ATP2B2: variants seen among roughly 807,000 people sequenced by gnomAD.
ATP2B2 encodes plasma membrane calcium-transporting ATPase 2.
In ATP2B2, 15 loss-of-function variants were observed where a neutral mutation model predicts 120.0. The ratio of observed to expected loss-of-function variants is 0.12; its 90% CI spans 0.08 to 0.19. ATP2B2 has a LOEUF of 0.19. Among genes scored for constraint, ATP2B2 ranks in the 10% least tolerant of loss-of-function variants. The probability of loss-of-function intolerance (pLI) is 1.00; values close to 1 mark genes in which losing one functional copy is unlikely to be tolerated. For synonymous variants in ATP2B2, 694 were observed against 700.3 expected (o/e 0.99, Z 0.14); for missense variants, 1,045 against 1,719.8 (o/e 0.61, Z 6.94).
chr3:10,429,511 C>T (rs1333807709), intron 2 of ATP2B2, among the ~76,000 whole-genome samples: 1 of 152,202 alleles, frequency 6.6e-6, no homozygotes, highest in Non-Finnish European at 1.5e-5. Context: ...TGGGGCACCA[C>T]AAACCATGCC....
intron 1 of ATP2B2, among the ~76,000 whole-genome samples, chr3:10,653,839 C>T (rs2070534407): frequency 6.6e-6 from 1 of 152,164 alleles, no homozygotes; most frequent in Non-Finnish European, 1.5e-5. Context: ...CCCTACAGCA[C>T]TTTTTCTCGT....
chr3:10,366,745 G>A (rs2061071175), intron 12 of ATP2B2, among the ~76,000 whole-genome samples: 1 of 152,194 alleles, frequency 6.6e-6, no homozygotes, highest in Admixed American at 6.5e-5. Flanking sequence ...CCATCTGAAA[G>A]CTCAGCTGTG....
chr3:10,654,158 AG>A (rs1448970714), intron 1 of ATP2B2, among the ~76,000 whole-genome samples: 1 of 152,166 alleles, frequency 6.6e-6, no homozygotes, highest in Non-Finnish European at 1.5e-5. Flanking sequence ...GAACATAGAG[AG>A]GATAAGATAC....
chr3:10,662,662 T>A (rs59548473), intron 1 of ATP2B2, among the ~76,000 whole-genome samples: 32,676 of 150,940 alleles, frequency 0.22, 5,923 homozygotes, highest in African/African-American at 0.49. Context: ...AACTAGTTCA[T>A]CTATTGTGGA....
intron 5 of ATP2B2, among the ~76,000 whole-genome samples, chr3:10,396,422 C>T (rs2062039207): frequency 6.6e-6 from 1 of 152,248 alleles, no homozygotes; most frequent in African/African-American, 2.4e-5. Context: ...TTCCTGCCCT[C>T]TTCTAAGCTG....
chr3:10,638,651 A>C (rs1455628109), intron 1 of ATP2B2, among the ~76,000 whole-genome samples: 1 of 152,224 alleles, frequency 6.6e-6, no homozygotes, highest in Admixed American at 6.5e-5. Flanking sequence ...TAAACTTCCC[A>C]ATTAAAAGGC....
intron 1 of ATP2B2, among the ~76,000 whole-genome samples, chr3:10,460,494 A>G (rs1575295487): frequency 6.6e-6 from 1 of 152,186 alleles, no homozygotes; most frequent in Non-Finnish European, 1.5e-5. Context: ...GGGTTGGGAA[A>G]GCCAAGAGAA....
chr3:10,623,152 T>C (rs1486673256), intron 1 of ATP2B2, among the ~76,000 whole-genome samples: 3 of 150,990 alleles, frequency 2.0e-5, no homozygotes, highest in African/African-American at 7.3e-5. Context: ...AACCTCAAAT[T>C]CCTGGCCTCA....
At chr3:10,430,513 GAGAATT>G in intron 2 of ATP2B2, among the ~76,000 whole-genome samples, 1 of 152,230 alleles carries the variant, frequency 6.6e-6, no homozygotes, top group Non-Finnish European at 1.5e-5. Context: ...GCAAGAGAAT[GAGAATT>G]CTTAACTTGT....
At chr3:10,352,481 A>G (rs929587450) in intron 14 of ATP2B2, among the ~76,000 whole-genome samples, 4 of 152,186 alleles carry the variant, frequency 2.6e-5, no homozygotes, top group Non-Finnish European at 4.4e-5. Context: ...TAGCTACTGG[A>G]GTTGTCTAAG....
chr3:10,501,908 G>C (rs2066410555), intron 1 of ATP2B2, among the ~76,000 whole-genome samples: 1 of 152,192 alleles, frequency 6.6e-6, no homozygotes. Context: ...GAAAACCCAG[G>C]GGTACCTGTG....
At chr3:10,387,692 G>A (rs2061720392) in intron 6 of ATP2B2, among the ~76,000 whole-genome samples, 1 of 152,160 alleles carries the variant, frequency 6.6e-6, no homozygotes, top group Non-Finnish European at 1.5e-5. Flanking sequence ...ATTGAGGAGA[G>A]CCCAGTGAAT....
chr3:10,441,976 C>T lies in ATP2B2; in HGVS notation c.199+7369G>A, dbSNP rs113626596. On this transcript the variant is annotated intron_variant, in intron 2 of 22. Transcript: ENST00000360273. ...CCCTTTTCTGGGCACATAGTAGGCACTTAGTGATTAGTGCATATTGATTCT... is the reference window on the plus strand; with the variant it reads ...CCCTTTTCTGGGCACATAGTAGGCATTTAGTGATTAGTGCATATTGATTCT... Among the ~76,000 whole-genome samples, 144 of 152,226 alleles carry T rather than the reference C, an allele frequency of 9.5e-4. 1 individual carries two copies. Among genetic ancestry groups the T allele is most frequent in the African/African-American group, 3.3e-3 (135 of 41,532 alleles).
intron 1 of ATP2B2, among the ~76,000 whole-genome samples, chr3:10,491,385 C>T (rs945445185): frequency 2.6e-5 from 4 of 152,058 alleles, no homozygotes; most frequent in Non-Finnish European, 5.9e-5. Context: ...ACCACCATGC[C>T]CGGCTAATTT....
intron 1 of ATP2B2, among the ~76,000 whole-genome samples, chr3:10,501,372 G>GT (rs140295226): frequency 0.43 from 59,855 of 137,668 alleles, 12,762 homozygotes; most frequent in South Asian, 0.56. Flanking sequence ...TTTTTTAAAC[G>GT]GTTTTTTTTT....
chr3:10,459,807 C>T (rs950079845), intron 1 of ATP2B2, among the ~76,000 whole-genome samples: 1 of 152,226 alleles, frequency 6.6e-6, no homozygotes, highest in Non-Finnish European at 1.5e-5. Context: ...ACTGGTACTC[C>T]AGCCCCGCCA....
chr3:10,695,622 C>T (rs570569012), intron 1 of ATP2B2, among the ~76,000 whole-genome samples: 1 of 152,300 alleles, frequency 6.6e-6, no homozygotes, highest in South Asian at 2.1e-4. Context: ...CCCAGACCAG[C>T]CTAGAGCCAG....
chr3:10,413,051 T>C (rs2062664661), intron 2 of ATP2B2, among the ~76,000 whole-genome samples: 2 of 151,986 alleles, frequency 1.3e-5, no homozygotes, highest in Admixed American at 1.3e-4. Flanking sequence ...GTCTAATATA[T>C]GGTTTTAGGG....
intron 2 of ATP2B2, among the ~76,000 whole-genome samples, chr3:10,609,562 C>T (rs946215080): frequency 2.6e-5 from 4 of 152,204 alleles, no homozygotes; most frequent in African/African-American, 9.7e-5. Context: ...TATAGAAATG[C>T]CACTGGTTGG....
Sources: gnomAD v4.1 joint callset for allele counts (sites outside exome capture counted in the v4.1 genomes callset) on GRCh38, gnomAD v4.1.1 for gene constraint, MANE v1.5 for transcripts, NCBI Gene and HGNC (gene_info 2026-07-23, HGNC 2026-07-21) for gene names.